The following CAMK1D variants were observed in gnomAD, a reference collection of about 807,000 sequenced individuals.
The protein encoded by CAMK1D is calcium/calmodulin-dependent protein kinase type 1D.
CAMK1D carries 9 observed loss-of-function variants against 47.7 expected under a neutral mutation model. The observed-to-expected ratio is 0.19, with a 90% CI of 0.11 to 0.33. The LOEUF is 0.33. Ranked by LOEUF, CAMK1D falls within the 10% of genes least tolerant of loss-of-function variation. CAMK1D has a pLI of 1.00. For missense variants in CAMK1D, 291 were observed against 488.7 expected (o/e 0.60, Z 3.81); for synonymous variants, 184 against 184.9 (o/e 0.99, Z 0.04).
intron 2 of CAMK1D, among the ~76,000 whole-genome samples, chr10:12,568,206 T>TTCCCTTCCCTTCCTGCCCC (rs1261156252): frequency 8.3e-5 from 7 of 84,154 alleles, no homozygotes; most frequent in East Asian, 1.1e-3. Context: ...CCCTCTTTCC[T>TTCCCTTCCCTTCCTGCCCC]TCCCTTCCCT....
intron 2 of CAMK1D, among the ~76,000 whole-genome samples, chr10:12,655,125 C>T (rs1840083148): frequency 6.6e-6 from 1 of 152,166 alleles, no homozygotes; most frequent in Non-Finnish European, 1.5e-5. Context: ...AATTGGCTCA[C>T]AGTTCTGCAG....
intron 1 of CAMK1D, among the ~76,000 whole-genome samples, chr10:12,362,203 C>G (rs1475465323): frequency 1.3e-5 from 2 of 152,180 alleles, no homozygotes; most frequent in Non-Finnish European, 2.9e-5. Flanking sequence ...ACTCTTTCAT[C>G]TTCCCACATT....
intron 1 of CAMK1D, among the ~76,000 whole-genome samples, chr10:12,357,135 G>A (rs553887588): frequency 6.6e-6 from 1 of 152,148 alleles, no homozygotes; most frequent in East Asian, 1.9e-4. Context: ...TGGTCAACTT[G>A]CCCACCGGGG....
intron 3 of CAMK1D, among the ~76,000 whole-genome samples, chr10:12,677,233 T>C (rs1840840428): frequency 6.6e-6 from 1 of 152,218 alleles, no homozygotes; most frequent in Admixed American, 6.5e-5. Context: ...GAAACAGTTT[T>C]AATTAGAACA....
chr10:12,688,531 CAGAGA>C (rs1832744292), intron 3 of CAMK1D, among the ~76,000 whole-genome samples: 1 of 151,930 alleles, frequency 6.6e-6, no homozygotes, highest in Non-Finnish European at 1.5e-5. Context: ...GCCATGTTTG[CAGAGA>C]AAACTCCTTG....
At chr10:12,547,575 T>C (rs889402613) in intron 1 of CAMK1D, among the ~76,000 whole-genome samples, 1 of 151,824 alleles carries the variant, frequency 6.6e-6, no homozygotes, top group African/African-American at 2.4e-5. Flanking sequence ...GTTCTTGGGT[T>C]GGGGGAAGTC....
At position 12,632,547 on chromosome 10, in the gene CAMK1D, A is replaced by G. The variant is rs148002174; in HGVS notation, c.225-34189A>G. Among the ~76,000 whole-genome samples the G allele has an allele frequency of 3.6e-3, 548 of 152,294 alleles. 3 individuals are homozygous for G. The East Asian group carries it at 0.043, about 12-fold the overall frequency. ...TTGTCTGATTTAGCTGTTTTCTCCTATATATATTTGAACCTTACAGAAGCC... is the reference window on the plus strand; with the variant it reads ...TTGTCTGATTTAGCTGTTTTCTCCTGTATATATTTGAACCTTACAGAAGCC... On this transcript the variant is annotated intron_variant, in intron 2 of 10. Coordinates refer to ENST00000619168, the MANE Select transcript of CAMK1D (RefSeq NM_153498.4).
intron 2 of CAMK1D, among the ~76,000 whole-genome samples, chr10:12,616,355 C>G (rs529594146): frequency 6.6e-6 from 1 of 152,278 alleles, no homozygotes; most frequent in South Asian, 2.1e-4. Flanking sequence ...TAACATTTAT[C>G]GATGCTACAG....
intron 7 of CAMK1D, 122 bp downstream of exon 7, chr10:12,814,429 G>T (rs570520631): frequency 1.8e-6 from 1 of 569,468 alleles, no homozygotes; most frequent in African/African-American, 1.9e-5. Context: ...GTCCTGTCTT[G>T]GTTGGCTGCT....
intron 2 of CAMK1D, among the ~76,000 whole-genome samples, chr10:12,577,232 G>T (rs1309071939): frequency 6.6e-6 from 1 of 152,156 alleles, no homozygotes; most frequent in African/African-American, 2.4e-5. Context: ...AAAATTCCTG[G>T]CTGGTTCTGT....
At chr10:12,403,379 C>T (rs1839298270) in intron 1 of CAMK1D, among the ~76,000 whole-genome samples, 2 of 152,222 alleles carry the variant, frequency 1.3e-5, no homozygotes, top group Non-Finnish European at 2.9e-5. Context: ...GGTGAGTCCT[C>T]GCTCCGTGCC....
chr10:12,804,069 G>A (rs1838607356), intron 6 of CAMK1D, among the ~76,000 whole-genome samples: 1 of 152,108 alleles, frequency 6.6e-6, no homozygotes, highest in Admixed American at 6.5e-5. Flanking sequence ...GTTTCCTTGT[G>A]TTCATTCCAG....
chr10:12,473,488 G>T (rs1833810781), intron 1 of CAMK1D, among the ~76,000 whole-genome samples: 1 of 152,146 alleles, frequency 6.6e-6, no homozygotes, highest in African/African-American at 2.4e-5. Context: ...CTTATTATGT[G>T]CAAGGTATTG....
At chr10:12,351,140 G>A (rs1837343907) in intron 1 of CAMK1D, among the ~76,000 whole-genome samples, 3 of 152,098 alleles carry the variant, frequency 2.0e-5, no homozygotes, top group African/African-American at 7.2e-5. Flanking sequence ...GGGGTCCCCC[G>A]GAGAGAAGTT....
At chr10:12,416,851 C>T (rs1013766420) in intron 1 of CAMK1D, among the ~76,000 whole-genome samples, 1 of 152,200 alleles carries the variant, frequency 6.6e-6, no homozygotes, top group Non-Finnish European at 1.5e-5. Context: ...AGGGCATGTT[C>T]TGCCAAAAAT....
chr10:12,609,219 G>A (rs1311347120), intron 2 of CAMK1D, among the ~76,000 whole-genome samples: 1 of 152,218 alleles, frequency 6.6e-6, no homozygotes, highest in African/African-American at 2.4e-5. Flanking sequence ...TGACCAAAGA[G>A]AGCTGTGAGG....
At position 12,633,553 on chromosome 10, in the gene CAMK1D, G is replaced by A. The variant is rs1371596621; in HGVS notation, c.225-33183G>A. Among the ~76,000 whole-genome samples the A allele has an allele frequency of 5.9e-5, 9 of 152,098 alleles. No individual in the cohort carries two copies. In the East Asian group the frequency reaches 1.7e-3, roughly 29 times the overall value. ...CCGAGGGCTCCGTGAAAACTGAAGA[G>A]TTACTCTTTTCTTAATTTTTTGAGG... On this transcript the variant is annotated intron_variant, in intron 2 of 10. Transcript: ENST00000619168.
chr10:12,369,370 TAAAC>T (rs1482717826), intron 1 of CAMK1D, among the ~76,000 whole-genome samples: 3 of 152,190 alleles, frequency 2.0e-5, no homozygotes, highest in Non-Finnish European at 4.4e-5. Flanking sequence ...AAAGTGTTGG[TAAAC>T]AAAACGTGGT....
At chr10:12,477,080 C>T (rs947275272) in intron 1 of CAMK1D, among the ~76,000 whole-genome samples, 1 of 152,004 alleles carries the variant, frequency 6.6e-6, no homozygotes, top group Admixed American at 6.6e-5. Flanking sequence ...TCGCCAATGC[C>T]CGGGGCATGG....
Sources: gnomAD v4.1 joint callset for allele counts (sites outside exome capture counted in the v4.1 genomes callset) on GRCh38, gnomAD v4.1.1 for gene constraint, MANE v1.5 for transcripts, NCBI Gene and HGNC (gene_info 2026-07-23, HGNC 2026-07-21) for gene names.